Variants in TENM3 observed in about 807,000 individuals in gnomAD.
TENM3 encodes the protein teneurin transmembrane protein 3, also known as teneurin-3.
TENM3 carries 63 observed loss-of-function variants against 255.1 expected under a neutral mutation model. The observed-to-expected ratio is 0.25, with a 90% CI of 0.20 to 0.30. The LOEUF (loss-of-function observed/expected upper bound fraction) is 0.30. TENM3 is among the 10% of genes least tolerant of loss of function. The pLI, the probability that TENM3 is intolerant of heterozygous loss-of-function variation, is 1.00. For missense variants in TENM3, 2,929 were observed against 3,461.1 expected (o/e 0.85, Z 3.86); for synonymous variants, 1,306 against 1,322.3 (o/e 0.99, Z 0.27).
chr4:182,473,644 G>A (rs1256457055), intron 3 of TENM3, among the ~76,000 whole-genome samples: 1 of 152,084 alleles, frequency 6.6e-6, no homozygotes, highest in Non-Finnish European at 1.5e-5. Context: ...CTGCACTCCA[G>A]CCTGGGCGAC....
chr4:182,772,681 A>G (rs895107692), intron 22 of TENM3: 2 of 152,218 alleles, frequency 1.3e-5, no homozygotes, highest in Middle Eastern at 3.2e-3. Context: ...ATTTATGAGC[A>G]CAGAACAGCT....
intron 19 of TENM3, among the ~76,000 whole-genome samples, chr4:182,750,324 G>A (rs1762283813): frequency 6.6e-6 from 1 of 152,152 alleles, no homozygotes; most frequent in Non-Finnish European, 1.5e-5. Context: ...CAAAGCTGAA[G>A]GACATACAAA....
the TENM3 span, among the ~76,000 whole-genome samples, chr4:182,107,035 C>A: frequency 6.6e-6 from 1 of 152,066 alleles, no homozygotes; most frequent in Non-Finnish European, 1.5e-5. Context: ...CTAGTTTGTA[C>A]TTGTCTAGAA....
chr4:182,103,222 G>C, the TENM3 span, among the ~76,000 whole-genome samples: 12 of 152,160 alleles, frequency 7.9e-5, no homozygotes, highest in African/African-American at 2.9e-4. Context: ...ATACAAGTAT[G>C]CCTAGTGAGT....
At chr4:181,757,039 A>T in the TENM3 span, among the ~76,000 whole-genome samples, 1 of 152,314 alleles carries the variant, frequency 6.6e-6, no homozygotes, top group African/African-American at 2.4e-5. Context: ...ATGTTGCTGT[A>T]AGAATAGGTT....
chr4:182,648,688 C>T (rs1056153537), intron 5 of TENM3, among the ~76,000 whole-genome samples: 2 of 152,188 alleles, frequency 1.3e-5, no homozygotes, highest in African/African-American at 4.8e-5. Flanking sequence ...GTGAGCAGCA[C>T]TCCAGAAACC....
At chr4:181,622,608 G>A in the TENM3 span, among the ~76,000 whole-genome samples, 1 of 152,130 alleles carries the variant, frequency 6.6e-6, no homozygotes, top group Admixed American at 6.5e-5. Flanking sequence ...CCCAGGAAAT[G>A]GAGGTTGCAG....
chr4:181,488,941 T>C, the TENM3 span, among the ~76,000 whole-genome samples: 24 of 152,146 alleles, frequency 1.6e-4, no homozygotes, highest in Admixed American at 2.6e-4. Flanking sequence ...TGGGCAGAAA[T>C]CAACCAGCAG....
intron 3 of TENM3, among the ~76,000 whole-genome samples, chr4:182,584,133 C>A (rs1745776181): frequency 6.6e-6 from 1 of 152,134 alleles, no homozygotes. Context: ...TGAAAACAGC[C>A]TGCAATAAAA....
chr4:181,562,078 C>G, the TENM3 span, among the ~76,000 whole-genome samples: 1 of 152,174 alleles, frequency 6.6e-6, no homozygotes, highest in African/African-American at 2.4e-5. Flanking sequence ...ATTAAGAGTA[C>G]TTTATGTTGT....
the TENM3 span, among the ~76,000 whole-genome samples, chr4:181,469,482 TATTAAC>T: frequency 6.6e-6 from 1 of 152,194 alleles, no homozygotes; most frequent in Non-Finnish European, 1.5e-5. Flanking sequence ...AACACTTACT[TATTAAC>T]ATTTTATTTT....
the TENM3 span, among the ~76,000 whole-genome samples, chr4:181,659,211 G>A: frequency 6.6e-6 from 1 of 152,136 alleles, no homozygotes; most frequent in Non-Finnish European, 1.5e-5. Context: ...AACCGTTGTA[G>A]CAAATCATCT....
the TENM3 span, among the ~76,000 whole-genome samples, chr4:181,522,399 GT>G: frequency 6.6e-6 from 1 of 152,232 alleles, no homozygotes; most frequent in Admixed American, 6.5e-5. Flanking sequence ...AAATCATTCT[GT>G]TACACCCTGA....
chr4:182,324,827 C>T (rs140886571), intron 2 of TENM3, among the ~76,000 whole-genome samples: 2 of 152,198 alleles, frequency 1.3e-5, no homozygotes, highest in South Asian at 4.1e-4. Context: ...CTTAACACTT[C>T]CTAGTTTCCC....
the TENM3 span, among the ~76,000 whole-genome samples, chr4:181,784,574 G>T: frequency 6.6e-6 from 1 of 151,816 alleles, no homozygotes; most frequent in East Asian, 1.9e-4. Flanking sequence ...ACTGTGTTTT[G>T]TCCTTTCAAA....
At chr4:182,227,371 C>T (rs753843738) in intron 1 of TENM3, among the ~76,000 whole-genome samples, 4 of 152,130 alleles carry the variant, frequency 2.6e-5, no homozygotes, top group Admixed American at 6.6e-5. Flanking sequence ...GGTCCCATGC[C>T]GGGGTATTCA....
intron 3 of TENM3, among the ~76,000 whole-genome samples, chr4:182,424,537 C>T (rs1771067127): frequency 6.6e-6 from 1 of 150,908 alleles, no homozygotes; most frequent in Admixed American, 6.6e-5. Context: ...TGTACATGAC[C>T]AAAAATATTT....
chr4:182,754,389 G>C lies in TENM3; in HGVS notation c.4022G>C (p.Arg1341Pro). The C allele has an allele frequency of 1.3e-6, 2 of 1,595,652 alleles. No individual in the cohort carries two copies. The highest frequency in any genetic ancestry group is 1.7e-6 in the Non-Finnish European group (2 of 1,169,428). The part of the protein sequence containing the change: ...CDTSMHISQV[R>P]LEWPTDLAIN... ...GCCATTTCTTTTTTTATTAAGGTAC[G>C]TCTGGAATGGCCCACTGACCTAGCC... The change falls in exon 22 of 28, where the codon CGT becomes CCT. Residue 1341 changes from arginine to proline, a missense_variant. By Grantham distance (103) the Arg-to-Pro change is moderately radical. Around this residue, in one of 6 missense-constraint regions of TENM3, gnomAD observed 1,608 missense variants for 1,884.4 expected, o/e 0.85. Transcript: ENST00000511685. This position sits in a 1 kb window ranked among gnomAD's most constrained non-coding sequence, Gnocchi z 5.1.
intron 5 of TENM3, among the ~76,000 whole-genome samples, chr4:182,633,841 A>G (rs1269024697): frequency 6.6e-6 from 1 of 152,240 alleles, no homozygotes; most frequent in East Asian, 1.9e-4. Flanking sequence ...AAGAGATTTA[A>G]GCATAGGAGT....
Sources: gnomAD v4.1 joint callset for allele counts (sites outside exome capture counted in the v4.1 genomes callset) on GRCh38, gnomAD v4.1.1 for gene constraint, gnomAD v4.1.1 regional missense constraint, Gnocchi (gnomAD v3.1) non-coding constraint, MANE v1.5 for transcripts, NCBI Gene and HGNC (gene_info 2026-07-23, HGNC 2026-07-21) for gene names.